Variants in ANLN observed in about 807,000 individuals in gnomAD.
The protein encoded by ANLN is anillin, actin binding protein, also known as anillin.
Under a neutral mutation model 135.1 loss-of-function variants are expected in ANLN, and 59 were observed. The observed-to-expected ratio is 0.44, with a 90% confidence interval of 0.35 to 0.54. The LOEUF is 0.54. Among genes scored for constraint, ANLN ranks in the 20% least tolerant of loss-of-function variants. The pLI is 0.00. For synonymous variants in ANLN, 406 were observed against 456.4 expected (o/e 0.89, Z 1.41); for missense variants, 1,182 against 1,340.0 (o/e 0.88, Z 1.84).
At chr7:36,394,346 T>C (rs1786603639) in intron 1 of ANLN, among the ~76,000 whole-genome samples, 1 of 152,190 alleles carries the variant, frequency 6.6e-6, no homozygotes, top group Non-Finnish European at 1.5e-5. Flanking sequence ...ACTCGGTTTT[T>C]AAGGTTTCTC....
chr7:36,389,966 C>A lies in ANLN; in HGVS notation c.-61C>A, dbSNP rs368071868. ...AGGAGACACACTGAGCTGAGACTCA[C>A]TTTTCTCTTCCTGAATTTGAACCAC... is the stretch of plus-strand genomic sequence containing the variant. On this transcript the variant is annotated 5_prime_UTR_variant, in exon 1 of 24. Coordinates refer to ENST00000265748, the MANE Select transcript of ANLN (RefSeq NM_018685.5). The A allele has an allele frequency of 3.2e-5, 52 of 1,613,966 alleles. No homozygotes were observed. The African/African-American group carries it at 6.3e-4, about 19-fold the overall frequency.
intron 20 of ANLN, among the ~76,000 whole-genome samples, chr7:36,429,260 AC>A (rs1159218948): frequency 6.6e-6 from 1 of 152,012 alleles, no homozygotes; most frequent in Non-Finnish European, 1.5e-5. Flanking sequence ...TCACTCTGTC[AC>A]CCAAGCTGGA....
rs1402764112 is a variant in ANLN, at chr7:36,396,329, A to G, written c.82A>G (p.Thr28Ala). The G allele has an allele frequency of 6.2e-7, 1 of 1,609,260 alleles. No individual in the cohort carries two copies. The highest frequency in any genetic ancestry group is 8.5e-7 in the Non-Finnish European group (1 of 1,176,464). The change falls in exon 2 of 24, where the codon ACA becomes GCA. Residue 28 changes from threonine (T) to alanine (A), a missense_variant. Physicochemically the swap from Thr to Ala is moderately conservative, Grantham distance 58. Coordinates refer to ENST00000265748, the MANE Select transcript of ANLN (RefSeq NM_018685.5). ...NLQRKMAERPTAAPRSMTHAK... is the reference protein window; with the variant it reads ...NLQRKMAERPAAAPRSMTHAK... ...TCAGAGAAAAATGGCTGAGAGGCCC[A>G]CAGCAGCTCCAAGGTCTATGACTCA...
At position 36,411,042 on chromosome 7, in the gene ANLN, G is replaced by A; in HGVS notation, c.1288-17G>A. On this transcript the variant is annotated splice_polypyrimidine_tract_variant and intron_variant, in intron 6 of 23. Transcript: ENST00000265748. ...GCTACCGGCTCTTGTGTAAAATACAGCTTTTGATGGGTTTAGGAACGTCAA... is the reference window on the plus strand; with the variant it reads ...GCTACCGGCTCTTGTGTAAAATACAACTTTTGATGGGTTTAGGAACGTCAA... 6.4e-7 allele frequency: 1 copy of A among 1,571,322 alleles called. No individual in the cohort carries two copies. The highest frequency in any genetic ancestry group is 8.6e-7 in the Non-Finnish European group (1 of 1,166,422).
chr7:36,423,113 G>A (rs1163713462), intron 14 of ANLN, among the ~76,000 whole-genome samples: 1 of 151,972 alleles, frequency 6.6e-6, no homozygotes, highest in African/African-American at 2.4e-5. Context: ...TTTTTTGTGT[G>A]TGTTCTGGAA....
chr7:36,390,180 G>C, intron 1 of ANLN, 136 bp downstream of exon 1: 1 of 1,479,436 alleles, frequency 6.8e-7, no homozygotes, highest in Non-Finnish European at 9.2e-7. Flanking sequence ...TGTGCGGGCC[G>C]GGGTCGCCGC....
rs557968630 is a variant in ANLN at position 36,395,958 on chromosome 7, A to C, written c.19-308A>C. Among the ~76,000 whole-genome samples, 6 of 152,310 alleles carry C rather than the reference A, an allele frequency of 3.9e-5. No individual in the cohort carries two copies. In the South Asian group the frequency reaches 1.0e-3, roughly 26 times the overall value. On this transcript the variant is annotated intron_variant, in intron 1 of 23. Transcript: ENST00000265748. Reference sequence around the variant, plus strand: ...CATATTTTATTGGTCAAAGCAGATCACAAGGCCAGCCCAGATTCAAGGGTG... The same window carrying C: ...CATATTTTATTGGTCAAAGCAGATCCCAAGGCCAGCCCAGATTCAAGGGTG...
At position 36,419,318 on chromosome 7, in the gene ANLN, A is replaced by G; in HGVS notation, c.1708A>G (p.Ser570Gly). ...TTCGAAAGTAATTAATGACCTCTTC[A>G]GTGATGTCCTAGAGGAAGGTGAACT... is the stretch of plus-strand genomic sequence containing the variant. ...NSSKVINDLF[S>G]DVLEEGELDM... The change falls in exon 10 of 24, where the codon AGT (serine) becomes GGT (glycine). Residue 570 changes from serine to glycine, a missense_variant. This residue lies in a region of ANLN where 1,022 missense variants were observed against 1,134.0 expected (regional missense o/e 0.90). Coordinates refer to ENST00000265748, the MANE Select transcript of ANLN (RefSeq NM_018685.5). 6.2e-7 allele frequency: 1 copy of G among 1,614,022 alleles called. No homozygotes were observed. Among genetic ancestry groups the G allele is most frequent in the Admixed American group, 1.7e-5 (1 of 60,008 alleles).
intron 2 of ANLN, among the ~76,000 whole-genome samples, chr7:36,396,738 T>A (rs770032465): frequency 4.6e-5 from 7 of 152,184 alleles, no homozygotes; most frequent in Admixed American, 6.5e-5. Context: ...TACAGTAGTG[T>A]GTAGTTTTTT....
chr7:36,406,295 G>C lies in ANLN; in HGVS notation c.602G>C (p.Arg201Pro). ...ASATPVGRRG[R>P]LANLAATICS... ...GCAACTCCAGTTGGCAGAAGGGGCC[G>C]TCTGGCCAATCTTGCTGCAACTATT... Residue 201 changes from arginine to proline, a missense_variant, in exon 4 of 24, where the codon CGT becomes CCT. Arg to Pro is a moderately radical substitution (Grantham distance 103). Around this residue, in one of 3 missense-constraint regions of ANLN, gnomAD observed 1,022 missense variants for 1,134.0 expected, o/e 0.90. Coordinates refer to ENST00000265748, the MANE Select transcript of ANLN (RefSeq NM_018685.5). 1.2e-6 allele frequency: 2 copies of C among 1,614,148 alleles called. No homozygotes were observed. Among genetic ancestry groups the C allele is most frequent in the Middle Eastern group, 1.6e-4 (1 of 6,062 alleles).
intron 22 of ANLN, among the ~76,000 whole-genome samples, chr7:36,445,891 C>T (rs374362578): frequency 3.9e-5 from 6 of 152,124 alleles, no homozygotes; most frequent in African/African-American, 9.7e-5. Flanking sequence ...CATATGTCAG[C>T]CTTTTAAACT....
intron 20 of ANLN, among the ~76,000 whole-genome samples, chr7:36,435,885 A>AG (rs1788526856): frequency 6.7e-6 from 1 of 149,502 alleles, no homozygotes; most frequent in African/African-American, 2.4e-5. Flanking sequence ...AAAAAAAAAA[A>AG]AAAAAAAAAA....
intron 20 of ANLN, among the ~76,000 whole-genome samples, chr7:36,436,541 CTT>C (rs1788557587): frequency 6.6e-6 from 1 of 152,170 alleles, no homozygotes; most frequent in Non-Finnish European, 1.5e-5. Flanking sequence ...CTGCTAAACT[CTT>C]TTTCAAAGCA....
Position 36,406,393 on chromosome 7 carries a change from T to A in ANLN, c.700T>A (p.Cys234Ser). 6.2e-7 allele frequency: 1 copy of A among 1,613,544 alleles called. No individual in the cohort carries two copies. The highest frequency in any genetic ancestry group is 8.5e-7 in the Non-Finnish European group (1 of 1,179,470). Reference sequence around the variant, plus strand: ...TGTACAAGAACAGCCTGGTACCGCTTGTTTATCCAAATTTTCCTCTGCAAG... The same window carrying A: ...TGTACAAGAACAGCCTGGTACCGCTAGTTTATCCAAATTTTCCTCTGCAAG... Reference protein sequence around the residue: ...NSVQEQPGTACLSKFSSASGA... With the variant: ...NSVQEQPGTASLSKFSSASGA... The change falls in exon 4 of 24, where the codon TGT becomes AGT. Residue 234 changes from cysteine (C) to serine (S), a missense_variant. Transcript: ENST00000265748.
intron 5 of ANLN, among the ~76,000 whole-genome samples, chr7:36,409,301 T>C (rs569576306): frequency 7.2e-5 from 11 of 152,340 alleles, no homozygotes; most frequent in Admixed American, 5.2e-4. Context: ...GAAGTAGTAA[T>C]AAGTGATAGG....
In ANLN at chr7:36,421,953, C is replaced by T; in HGVS notation, c.2260C>T (p.Leu754=). Reference sequence around the variant, plus strand: ...TGATGAAGAACATGGAAAAGGGTCCCTAGAAGAAGCTGAAGCAGAAAGACT... The same window carrying T: ...TGATGAAGAACATGGAAAAGGGTCCTTAGAAGAAGCTGAAGCAGAAAGACT... ...CVDEEHGKGS[L]EEAEAERLLL... The change falls in exon 13 of 24, where the codon CTA becomes TTA. Residue 754 remains leucine, a synonymous_variant. Transcript: ENST00000265748. The T allele has an allele frequency of 1.2e-6, 2 of 1,613,568 alleles. No homozygotes were observed. The highest frequency in any genetic ancestry group is 1.7e-6 in the Non-Finnish European group (2 of 1,179,760).
Position 36,452,816 on chromosome 7 carries a change from A to G in ANLN, c.*216A>G, listed in dbSNP as rs1789302761. ...AGTAGAAGTAAATACATTATAGTTG[A>G]TTTTGCTAAATCTTAATTTAAAAGC... On this transcript the variant is annotated 3_prime_UTR_variant, in exon 24 of 24. Transcript: ENST00000265748. 1 of 358,438 alleles carries G rather than the reference A, an allele frequency of 2.8e-6. No homozygotes were observed. The allele number at this position is 358,438 out of a possible 1,614,324, so 22.2% of individuals were successfully genotyped here. A position where few individuals can be genotyped will look rare whatever the true frequency, so the allele number is the denominator to read the frequency against.
At chr7:36,447,417 CTT>C (rs978030270) in intron 22 of ANLN, among the ~76,000 whole-genome samples, 6 of 105,870 alleles carry the variant, frequency 5.7e-5, no homozygotes, top group African/African-American at 1.7e-4. Flanking sequence ...AGCAGTTGAT[CTT>C]TTTTTTTTTT....
At position 36,419,396 on chromosome 7, in the gene ANLN, G is replaced by A. The variant is rs752000697; in HGVS notation, c.1786G>A (p.Glu596Lys). The change falls in exon 10 of 24, where the codon GAA becomes AAA. Residue 596 changes from glutamate (E) to lysine (K), a missense_variant. Glu to Lys is a moderately conservative substitution (Grantham distance 56). This residue lies in a region of ANLN where 1,022 missense variants were observed against 1,134.0 expected (regional missense o/e 0.90). Coordinates refer to ENST00000265748, the MANE Select transcript of ANLN (RefSeq NM_018685.5). ...EMDQALAESS[E>K]EQEDALNISS... ...GGATCAAGCATTAGCAGAAAGCAGC[G>A]AAGAACAGGAAGATGCACTGAATAT... The A allele has an allele frequency of 6.2e-6, 10 of 1,614,016 alleles. No homozygotes were observed. Among genetic ancestry groups the A allele is most frequent in the East Asian group, 2.2e-5 (1 of 44,874 alleles).
Sources: allele counts gnomAD v4.1 joint callset (sites outside exome capture counted in the v4.1 genomes callset), GRCh38; gene constraint gnomAD v4.1.1; regional missense constraint gnomAD v4.1.1; transcripts MANE v1.5; gene names NCBI Gene and HGNC (gene_info 2026-07-23, HGNC 2026-07-21).